OPCML: variants seen among roughly 807,000 people sequenced by gnomAD.
OPCML encodes the protein opioid-binding protein/cell adhesion molecule.
A neutral mutation model predicts 37.8 loss-of-function variants in OPCML; 13 were observed. The ratio of observed to expected loss-of-function variants is 0.34; its 90% CI spans 0.22 to 0.55. OPCML has a LOEUF of 0.55. Among genes scored for constraint, OPCML ranks in the 20% least tolerant of loss-of-function variants. The pLI is 0.91. For synonymous variants in OPCML, 176 were observed against 168.8 expected (o/e 1.04, Z -0.33); for missense variants, 341 against 435.6 (o/e 0.78, Z 1.93).
chr11:133,111,047 A>T (rs1949244484), intron 1 of OPCML, among the ~76,000 whole-genome samples: 1 of 152,236 alleles, frequency 6.6e-6, no homozygotes, highest in Non-Finnish European at 1.5e-5. Flanking sequence ...TGATTAGAAC[A>T]GCCCCCAAAT....
chr11:132,566,658 G>C (rs1003820385), intron 3 of OPCML, among the ~76,000 whole-genome samples: 1 of 152,214 alleles, frequency 6.6e-6, no homozygotes, highest in Non-Finnish European at 1.5e-5. Context: ...CCCACAAAGA[G>C]CTTTTGTGCT....
chr11:132,833,080 T>G (rs1940792996), intron 2 of OPCML, among the ~76,000 whole-genome samples: 1 of 152,218 alleles, frequency 6.6e-6, no homozygotes. Flanking sequence ...TCACTACATT[T>G]AACTTTTTAA....
intron 1 of OPCML, among the ~76,000 whole-genome samples, chr11:133,461,673 T>A (rs979351958): frequency 1.1e-4 from 16 of 151,868 alleles, no homozygotes; most frequent in African/African-American, 3.9e-4. Context: ...CAACCCATGT[T>A]CATGGATTGA....
At chr11:132,817,759 C>A (rs1939716361) in intron 2 of OPCML, among the ~76,000 whole-genome samples, 1 of 151,462 alleles carries the variant, frequency 6.6e-6, no homozygotes, top group Non-Finnish European at 1.5e-5. Flanking sequence ...CTGCCCCCCT[C>A]CCCCGCCAAA....
intron 1 of OPCML, among the ~76,000 whole-genome samples, chr11:133,098,308 C>T (rs900748486): frequency 2.0e-5 from 3 of 151,610 alleles, no homozygotes; most frequent in African/African-American, 7.3e-5. Flanking sequence ...CTCTGCCTCC[C>T]GCGTTCATGC....
chr11:132,947,766 T>C (rs898125353), intron 1 of OPCML, among the ~76,000 whole-genome samples: 4 of 152,196 alleles, frequency 2.6e-5, no homozygotes, highest in African/African-American at 9.7e-5. Context: ...CTCTTAGATA[T>C]GTGGAAACAT....
chr11:133,132,833 T>A (rs1028005630), intron 1 of OPCML, among the ~76,000 whole-genome samples: 2 of 146,098 alleles, frequency 1.4e-5, no homozygotes, highest in Non-Finnish European at 3.0e-5. Context: ...GCGATCAGTA[T>A]TTTCCTGGGA....
rs551917717 is a variant in OPCML at position 133,457,120 on chromosome 11, A to G, written c.61+75144T>C. 1.5e-4 allele frequency among the ~76,000 whole-genome samples: 23 copies of G among 152,352 alleles called. No individual in the cohort carries two copies. The South Asian group carries it at 4.8e-3, about 32-fold the overall frequency. Reference sequence around the variant, plus strand: ...TCTTGAACAGAGCAAAAGGAAAGTGACGTGTCATGTACAAGTGATCCAGGA... The same window carrying G: ...TCTTGAACAGAGCAAAAGGAAAGTGGCGTGTCATGTACAAGTGATCCAGGA... On this transcript the variant is annotated intron_variant, in intron 1 of 7. Transcript: ENST00000524381.
intron 1 of OPCML, among the ~76,000 whole-genome samples, chr11:133,215,896 G>A (rs1029169883): frequency 1.6e-4 from 25 of 152,094 alleles, no homozygotes; most frequent in African/African-American, 5.6e-4. Flanking sequence ...TACAATCCCA[G>A]CCCCATTTCA....
At chr11:132,623,768 G>C (rs935337792) in intron 3 of OPCML, among the ~76,000 whole-genome samples, 1 of 152,124 alleles carries the variant, frequency 6.6e-6, no homozygotes, top group African/African-American at 2.4e-5. Flanking sequence ...ACATTAAGAT[G>C]ATGACAGTAA....
intron 1 of OPCML, among the ~76,000 whole-genome samples, chr11:133,250,361 C>G (rs1941085025): frequency 6.8e-6 from 1 of 147,530 alleles, no homozygotes; most frequent in Non-Finnish European, 1.5e-5. Context: ...AAAATAAATA[C>G]ACTTTCAGCC....
rs187748530 is a variant in OPCML, at chr11:133,208,052, G to C, written c.62-265042C>G. 6.6e-6 allele frequency among the ~76,000 whole-genome samples: 1 copy of C among 152,164 alleles called. No individual in the cohort carries two copies. Among genetic ancestry groups the C allele is most frequent in the Non-Finnish European group, 1.5e-5 (1 of 68,044 alleles). On this transcript the variant is annotated intron_variant, in intron 1 of 7. Transcript: ENST00000524381. The surrounding 1 kb of genome is among the most constrained non-coding windows in gnomAD (Gnocchi z 8.9). ...TTAACCACCCTAGGCAAGGTTAAGA[G>C]CTCCTTACTCTGAGCTCCCATAGCA...
At chr11:132,436,064 C>A (rs752634223) in intron 7 of OPCML, 22 bp downstream of exon 7, 7 of 1,605,492 alleles carry the variant, frequency 4.4e-6, no homozygotes, top group Non-Finnish European at 6.0e-6. Flanking sequence ...GAGCCCACTG[C>A]ATCCAGGCTT....
At chr11:133,300,042 A>ACAGT (rs1197719476) in intron 1 of OPCML, 1 of 152,252 alleles carries the variant, frequency 6.6e-6, no homozygotes, top group Non-Finnish European at 1.5e-5. Context: ...CAGTGAGCTC[A>ACAGT]CAGTCAAATG....
chr11:133,024,326 A>T (rs2136908571), intron 1 of OPCML: 1 of 984,686 alleles, frequency 1.0e-6, no homozygotes, highest in South Asian at 4.7e-5. Flanking sequence ...TGCTCTGGGA[A>T]GGAAGTGCGT....
At chr11:133,316,831 T>C (rs1247059521) in intron 1 of OPCML, among the ~76,000 whole-genome samples, 3 of 152,216 alleles carry the variant, frequency 2.0e-5, no homozygotes, top group Non-Finnish European at 4.4e-5. Context: ...AAGCCCCACG[T>C]AAATATATTT....
chr11:132,916,004 A>G (rs1944590129), intron 2 of OPCML, among the ~76,000 whole-genome samples: 1 of 152,246 alleles, frequency 6.6e-6, no homozygotes, highest in East Asian at 1.9e-4. Context: ...CCTCTTAATT[A>G]CAAAACATTT....
At chr11:132,468,820 G>C (rs78944654) in intron 4 of OPCML, among the ~76,000 whole-genome samples, 5,654 of 152,160 alleles carry the variant, frequency 0.037, 331 homozygotes, top group African/African-American at 0.13. Flanking sequence ...TATGGTAAAC[G>C]CTGGTGGATC....
At chr11:132,482,297 T>C (rs1226260075) in intron 4 of OPCML, among the ~76,000 whole-genome samples, 5 of 152,006 alleles carry the variant, frequency 3.3e-5, no homozygotes, top group Non-Finnish European at 4.4e-5. Context: ...AACACCTCTA[T>C]GCAAATAAAC....
Sources: gnomAD v4.1 joint callset for allele counts (sites outside exome capture counted in the v4.1 genomes callset) on GRCh38, gnomAD v4.1.1 for gene constraint, Gnocchi (gnomAD v3.1) non-coding constraint, MANE v1.5 for transcripts, NCBI Gene and HGNC (gene_info 2026-07-23, HGNC 2026-07-21) for gene names.